The following RBP7 variants were observed in gnomAD, a reference collection of about 807,000 sequenced individuals.
RBP7 encodes the protein retinol binding protein 7.
In RBP7, 13 loss-of-function variants were observed where a neutral mutation model predicts 16.7. The ratio of observed to expected loss-of-function variants is 0.78; its 90% CI spans 0.51 to 1.24. The LOEUF is 1.24. Ranked by LOEUF, RBP7 falls within the 50% of genes most tolerant of loss-of-function variation. The pLI is 0.00. For missense variants in RBP7, 145 were observed against 159.5 expected, an observed-to-expected ratio of 0.91 and a Z score of 0.49; for synonymous variants, 54 against 56.2, an observed-to-expected ratio of 0.96 and a Z score of 0.17.
chr1:10,013,703 A>G (rs1428910887), intron 3 of RBP7, among the ~76,000 whole-genome samples: 29 of 151,980 alleles, frequency 1.9e-4, no homozygotes. Context: ...CCAGCTACTC[A>G]GGAGGCTGAG....
intron 3 of RBP7, 120 bp from the exon 4 acceptor site, chr1:10,015,662 C>A: frequency 1.2e-6 from 1 of 826,474 alleles, no homozygotes; most frequent in Non-Finnish European, 2.0e-6. Flanking sequence ...GACCCCATCT[C>A]ATAAAAGAAA....
chr1:10,000,458 T>C (rs3003377), intron 1 of RBP7, among the ~76,000 whole-genome samples: 98,294 of 150,776 alleles, frequency 0.65, 36,881 homozygotes, highest in Non-Finnish European at 0.85. Flanking sequence ...CGCTTGAACC[T>C]GAGAGGTGGA....
rs1219825023 is a variant in RBP7 at position 9,997,893 on chromosome 1, C to T, written c.73+562C>T. Among the ~76,000 whole-genome samples the T allele has an allele frequency of 6.6e-6, 1 of 152,094 alleles. No homozygotes were observed. Among genetic ancestry groups the T allele is most frequent in the Admixed American group, 6.5e-5 (1 of 15,270 alleles). On this transcript the variant is annotated intron_variant, in intron 1 of 3. Coordinates refer to ENST00000294435, the MANE Select transcript of RBP7 (RefSeq NM_052960.3). This position sits in a 1 kb window ranked among gnomAD's most constrained non-coding sequence, Gnocchi z 5.9. ...GCAGAATCCTGGAGCCAGCGGACGA[C>T]CCTTCAGGTCCGGGCACCCGCGGGA...
rs6680076 is a variant in RBP7 at position 9,997,612 on chromosome 1, G to A, written c.73+281G>A. Among the ~76,000 whole-genome samples the A allele has an allele frequency of 0.63, 94,621 of 150,516 alleles. 35,186 individuals carry two copies. Among genetic ancestry groups the A allele is most frequent in the Non-Finnish European group, 0.84 (56,630 of 67,466 alleles). The stretch of plus-strand genomic sequence containing the variant: ...ACGCCCTCTGTTCCCCCGGCCGTCG[G>A]TCCCCCACCCGTCCGTCCCTGAGTG... On this transcript the variant is annotated intron_variant, in intron 1 of 3. Coordinates refer to ENST00000294435, the MANE Select transcript of RBP7 (RefSeq NM_052960.3). This position sits in a 1 kb window ranked among gnomAD's most constrained non-coding sequence, Gnocchi z 5.9.
Position 9,997,357 on chromosome 1 carries a change from G to A in RBP7, c.73+26G>A. 6.2e-7 allele frequency: 1 copy of A among 1,604,902 alleles called. No homozygotes were observed. Among genetic ancestry groups the A allele is most frequent in the Non-Finnish European group, 8.5e-7 (1 of 1,175,286 alleles). On this transcript the variant is annotated intron_variant, in intron 1 of 3. Transcript: ENST00000294435. This position sits in a 1 kb window ranked among gnomAD's most constrained non-coding sequence, Gnocchi z 5.9. ...GTAAGGCGGAGGGGAGGCGGCGGCG[G>A]CGCGAGGCTCGCCGTGGGTCTCGGG... is the stretch of plus-strand genomic sequence containing the variant.
intron 3 of RBP7, among the ~76,000 whole-genome samples, chr1:10,012,706 G>C (rs969241494): frequency 6.6e-6 from 1 of 151,896 alleles, no homozygotes; most frequent in Non-Finnish European, 1.5e-5. Context: ...GGCCGAGGCA[G>C]GTGGATCACC....
intron 3 of RBP7, 143 bp downstream of exon 3, chr1:10,008,417 C>A: frequency 2.0e-6 from 1 of 504,818 alleles, no homozygotes; most frequent in Non-Finnish European, 3.6e-6. Flanking sequence ...CTAGCCTGGC[C>A]AACATGGTGA....
chr1:10,008,160 T>C lies in RBP7; in HGVS notation c.253-13T>C, dbSNP rs1295504029. 5.8e-6 allele frequency: 9 copies of C among 1,553,540 alleles called. No homozygotes were observed. ...GCCAGGACAAGCTAACATTTTCTCC[T>C]CTCTTCATGCAGAGTTTGGTTATCT... On this transcript the variant is annotated splice_polypyrimidine_tract_variant and intron_variant, in intron 2 of 3. Coordinates refer to ENST00000294435, the MANE Select transcript of RBP7 (RefSeq NM_052960.3).
At chr1:10,008,933 T>C (rs1282203681) in intron 3 of RBP7, among the ~76,000 whole-genome samples, 1 of 152,198 alleles carries the variant, frequency 6.6e-6, no homozygotes, top group Non-Finnish European at 1.5e-5. Context: ...CATAGATAGA[T>C]ATAGTAGCTC....
Position 10,007,708 on chromosome 1 carries a change from T to G in RBP7, c.212T>G (p.Phe71Cys). ...GTGAAATTTAAAGTTGGAGAAGAAT[T>G]TGATGAAGATAACAGAGGCCTGGAC... ...YFVKFKVGEE[F>C]DEDNRGLDNR... The change falls in exon 2 of 4, where the codon TTT (phenylalanine) becomes TGT (cysteine). Residue 71 changes from phenylalanine to cysteine, a missense_variant. Phe to Cys is a radical substitution (Grantham distance 205). Transcript: ENST00000294435. The G allele has an allele frequency of 1.2e-6, 2 of 1,613,746 alleles. No individual in the cohort carries two copies. Among genetic ancestry groups the G allele is most frequent in the Non-Finnish European group, 1.7e-6 (2 of 1,179,972 alleles).
Sources: gnomAD v4.1 joint callset for allele counts (sites outside exome capture counted in the v4.1 genomes callset) on GRCh38, gnomAD v4.1.1 for gene constraint, Gnocchi (gnomAD v3.1) non-coding constraint, MANE v1.5 for transcripts, NCBI Gene and HGNC (gene_info 2026-07-23, HGNC 2026-07-21) for gene names.